The following ITCH variants were observed in gnomAD, a reference collection of about 807,000 sequenced individuals.
ITCH encodes E3 ubiquitin-protein ligase Itchy homolog.
A neutral mutation model predicts 126.8 loss-of-function variants in ITCH; 28 were observed. That is an observed-to-expected ratio of 0.22 (90% CI 0.16 to 0.30). ITCH has a LOEUF of 0.30. ITCH is among the 10% of genes least tolerant of loss of function. ITCH has a pLI of 1.00. For missense variants in ITCH, 631 were observed against 1,032.4 expected (o/e 0.61, Z 5.33); for synonymous variants, 342 against 340.0 (o/e 1.01, Z -0.06).
At chr20:34,377,470 C>A (rs1435611879) in intron 2 of ITCH, among the ~76,000 whole-genome samples, 2 of 152,040 alleles carry the variant, frequency 1.3e-5, no homozygotes, top group Admixed American at 6.6e-5. Flanking sequence ...TTTCATTAGA[C>A]CTTAGTTTAT....
chr20:34,494,479 T>C (rs1281126370), intron 23 of ITCH, among the ~76,000 whole-genome samples: 1 of 152,190 alleles, frequency 6.6e-6, no homozygotes, highest in East Asian at 1.9e-4. Flanking sequence ...TTCAAATCTT[T>C]ATTCTTTTTT....
intron 12 of ITCH, 39 bp from the exon 13 acceptor site, chr20:34,457,351 C>T: frequency 7.5e-7 from 1 of 1,327,792 alleles, no homozygotes; most frequent in Non-Finnish European, 1.1e-6. Context: ...TATGCCAATG[C>T]TAATGCTTTG....
intron 6 of ITCH, among the ~76,000 whole-genome samples, chr20:34,420,282 CTG>C (rs1361441345): frequency 6.6e-6 from 1 of 152,188 alleles, no homozygotes; most frequent in Non-Finnish European, 1.5e-5. Flanking sequence ...AATCTGCTCT[CTG>C]TCTCTATGGA....
At chr20:34,475,154 G>A (rs1195719571) in intron 16 of ITCH, among the ~76,000 whole-genome samples, 1 of 150,374 alleles carries the variant, frequency 6.7e-6, no homozygotes, top group African/African-American at 2.5e-5. Context: ...GGGCAGAGAC[G>A]CTCCTCACTT....
chr20:34,409,294 G>C (rs1017444783), intron 4 of ITCH, among the ~76,000 whole-genome samples: 9 of 152,048 alleles, frequency 5.9e-5, no homozygotes, highest in African/African-American at 9.7e-5. Context: ...CTGGCCTCAA[G>C]AGATCCTCCT....
At chr20:34,390,909 G>A (rs1215475821) in intron 2 of ITCH, among the ~76,000 whole-genome samples, 2 of 150,674 alleles carry the variant, frequency 1.3e-5, no homozygotes, top group Non-Finnish European at 2.9e-5. Context: ...CCACCACCAC[G>A]CCCAGCTAAT....
At chr20:34,368,166 A>G (rs781627655) in intron 1 of ITCH, among the ~76,000 whole-genome samples, 51 of 151,922 alleles carry the variant, frequency 3.4e-4, no homozygotes, top group Non-Finnish European at 6.5e-4. Flanking sequence ...GCTACTTGGG[A>G]GGCTGAGGCA....
chr20:34,466,904 C>T (rs1170307475), intron 14 of ITCH, among the ~76,000 whole-genome samples: 1 of 151,846 alleles, frequency 6.6e-6, no homozygotes, highest in Non-Finnish European at 1.5e-5. Flanking sequence ...AGTTATTAAA[C>T]CTAAAGTAAG....
Position 34,412,514 on chromosome 20 carries a change from G to A in ITCH, c.213-1G>A. On this transcript the variant is annotated splice_acceptor_variant, in intron 4 of 24. Coordinates refer to ENST00000374864, the MANE Select transcript of ITCH (RefSeq NM_031483.7). LOFTEE classifies it high-confidence loss of function. ...TTTTTTCCCTCTTTTTTCACTTTTA[G>A]TATCGTTACCCCTGTGAGTAAATTA... is the stretch of plus-strand genomic sequence containing the variant. The A allele has an allele frequency of 6.3e-7, 1 of 1,586,472 alleles. No individual in the cohort carries two copies.
intron 3 of ITCH, among the ~76,000 whole-genome samples, chr20:34,406,472 C>A (rs976802192): frequency 1.3e-5 from 2 of 151,896 alleles, no homozygotes; most frequent in African/African-American, 4.8e-5. Context: ...GTTTCAGGGC[C>A]ACCACCTGGG....
chr20:34,455,407 A>G (rs1313253849), intron 12 of ITCH, among the ~76,000 whole-genome samples: 2 of 152,214 alleles, frequency 1.3e-5, no homozygotes, highest in Admixed American at 6.5e-5. Context: ...AGTAATTCAA[A>G]AACAGCAGAA....
chr20:34,370,216 C>A (rs146539817), intron 2 of ITCH, among the ~76,000 whole-genome samples: 1 of 152,020 alleles, frequency 6.6e-6, no homozygotes, highest in African/African-American at 2.4e-5. Context: ...GTGTGACTTT[C>A]GGCGAGTTAT....
chr20:34,368,304 GAT>G (rs1397316005), intron 1 of ITCH, among the ~76,000 whole-genome samples: 16 of 151,374 alleles, frequency 1.1e-4, no homozygotes, highest in Non-Finnish European at 2.2e-4. Context: ...TGTTAGTACT[GAT>G]AGGAAATAGT....
At chr20:34,363,399 T>G in intron 1 of ITCH, 50 bp downstream of exon 1, 2 of 150,356 alleles carry the variant, frequency 1.3e-5, no homozygotes, top group Admixed American at 6.6e-5. Context: ...AGGGAGGGAG[T>G]CCGGATGAGA....
At chr20:34,409,613 A>G (rs1601832407) in intron 4 of ITCH, among the ~76,000 whole-genome samples, 1 of 152,162 alleles carries the variant, frequency 6.6e-6, no homozygotes, top group Admixed American at 6.5e-5. Context: ...CATCCCTTAT[A>G]TAGCTTTGTA....
intron 16 of ITCH, 128 bp downstream of exon 16, chr20:34,471,643 T>G (rs1285527187): frequency 1.4e-6 from 1 of 709,910 alleles, no homozygotes; most frequent in Admixed American, 2.0e-5. Flanking sequence ...TCAAGTGCGA[T>G]CTCATTGCCA....
chr20:34,448,264 G>A (rs774688209), intron 11 of ITCH, among the ~76,000 whole-genome samples: 5 of 151,938 alleles, frequency 3.3e-5, no homozygotes, highest in African/African-American at 4.8e-5. Context: ...GTGGTGGCGC[G>A]TGCCTGTGAT....
At chr20:34,373,886 T>A (rs1360567740) in intron 2 of ITCH, among the ~76,000 whole-genome samples, 1 of 151,984 alleles carries the variant, frequency 6.6e-6, no homozygotes, top group Non-Finnish European at 1.5e-5. Flanking sequence ...AGAACATTTT[T>A]TTTTTTTATT....
chr20:34,504,955 A>G (rs1990526491), intron 24 of ITCH, among the ~76,000 whole-genome samples: 1 of 152,184 alleles, frequency 6.6e-6, no homozygotes, highest in East Asian at 1.9e-4. Flanking sequence ...GTGTTTAAGT[A>G]ACAATTTTAT....
Sources: allele counts gnomAD v4.1 joint callset (sites outside exome capture counted in the v4.1 genomes callset), GRCh38; gene constraint gnomAD v4.1.1; transcripts MANE v1.5; gene names NCBI Gene and HGNC (gene_info 2026-07-23, HGNC 2026-07-21).